SH3BGRL2: variants seen among roughly 807,000 people sequenced by gnomAD.
The protein encoded by SH3BGRL2 is SH3 domain-binding glutamic acid-rich-like protein 2.
In SH3BGRL2, 21 loss-of-function variants were observed where a neutral mutation model predicts 14.8. That is an observed-to-expected ratio of 1.42 (90% confidence interval 1.01 to 2.05). The LOEUF (loss-of-function observed/expected upper bound fraction) is 2.05. SH3BGRL2 is among the 30% of genes most tolerant of loss of function. The pLI is 0.00. For missense variants in SH3BGRL2, 147 were observed against 130.8 expected, an observed-to-expected ratio of 1.12 and a Z score of -0.61; for synonymous variants, 50 against 47.8, an observed-to-expected ratio of 1.05 and a Z score of -0.19.
chr6:79,696,647 G>T, intron 3 of SH3BGRL2, 82 bp downstream of exon 3: 1 of 970,648 alleles, frequency 1.0e-6, no homozygotes, highest in Non-Finnish European at 1.5e-6. Context: ...CGGTGTTAGA[G>T]GAATGCATAT....
At chr6:79,559,130 CAT>C in the SH3BGRL2 span, among the ~76,000 whole-genome samples, 1 of 152,102 alleles carries the variant, frequency 6.6e-6, no homozygotes, top group Admixed American at 6.5e-5. Context: ...CCACTTTTTC[CAT>C]TAACAACTAT....
the SH3BGRL2 span, chr6:79,574,065 C>T: frequency 3.6e-4 from 54 of 152,102 alleles, no homozygotes; most frequent in African/African-American, 1.1e-3. Context: ...GCTAGAACAC[C>T]GCTAACAAAA....
At chr6:79,599,142 A>C in the SH3BGRL2 span, among the ~76,000 whole-genome samples, 2 of 152,148 alleles carry the variant, frequency 1.3e-5, no homozygotes, top group Non-Finnish European at 2.9e-5. Flanking sequence ...ATTAAAAACA[A>C]TGTTATAGTA....
At chr6:79,674,966 G>A (rs1769852078) in intron 2 of SH3BGRL2, among the ~76,000 whole-genome samples, 2 of 152,034 alleles carry the variant, frequency 1.3e-5, no homozygotes, top group South Asian at 4.2e-4. Context: ...TTATTTTATG[G>A]GGTTTTTAAT....
intron 2 of SH3BGRL2, among the ~76,000 whole-genome samples, chr6:79,695,262 G>A (rs1193858927): frequency 6.6e-6 from 1 of 152,180 alleles, no homozygotes; most frequent in Non-Finnish European, 1.5e-5. Flanking sequence ...CCTTTCTTTA[G>A]AGCTGATCCT....
chr6:79,656,042 A>G (rs901348809), intron 1 of SH3BGRL2, among the ~76,000 whole-genome samples: 1 of 152,236 alleles, frequency 6.6e-6, no homozygotes, highest in Non-Finnish European at 1.5e-5. Context: ...ATGAGAAGGT[A>G]CTGAAAGGTT....
chr6:79,583,315 A>G, the SH3BGRL2 span, among the ~76,000 whole-genome samples: 1 of 152,228 alleles, frequency 6.6e-6, no homozygotes, highest in African/African-American at 2.4e-5. Flanking sequence ...TCATGCTACT[A>G]TAAAGACACA....
At chr6:79,681,783 T>C (rs1319537595) in intron 2 of SH3BGRL2, among the ~76,000 whole-genome samples, 1 of 152,102 alleles carries the variant, frequency 6.6e-6, no homozygotes, top group Non-Finnish European at 1.5e-5. Flanking sequence ...ATCCCATTAT[T>C]ACCAGTTTTA....
the SH3BGRL2 span, among the ~76,000 whole-genome samples, chr6:79,548,097 A>G: frequency 0.21 from 32,504 of 151,972 alleles, 3,574 homozygotes; most frequent in African/African-American, 0.27. Context: ...TCAAACTCTT[A>G]AGCTCAAGCT....
At chr6:79,607,140 G>A in the SH3BGRL2 span, among the ~76,000 whole-genome samples, 1 of 152,122 alleles carries the variant, frequency 6.6e-6, no homozygotes, top group African/African-American at 2.4e-5. Context: ...TTGGTTCCGA[G>A]GTCATTGTGA....
the SH3BGRL2 span, among the ~76,000 whole-genome samples, chr6:79,569,492 T>A: frequency 1.3e-5 from 2 of 152,306 alleles, no homozygotes; most frequent in South Asian, 2.1e-4. Context: ...GGTAAAATAC[T>A]TTGATTTCTT....
the SH3BGRL2 span, among the ~76,000 whole-genome samples, chr6:79,592,090 G>T: frequency 4.6e-5 from 7 of 152,030 alleles, no homozygotes; most frequent in African/African-American, 1.4e-4. Context: ...GATGATAAAA[G>T]ATATGAAAAC....
chr6:79,594,261 T>G, the SH3BGRL2 span, among the ~76,000 whole-genome samples: 1 of 152,194 alleles, frequency 6.6e-6, no homozygotes, highest in African/African-American at 2.4e-5. Context: ...CTTTCCTTTG[T>G]CCTGTCATTT....
At position 79,700,618 on chromosome 6, in the gene SH3BGRL2, T is replaced by G. The variant is rs1382495112; in HGVS notation, c.*1109T>G. 1 of 152,172 alleles carries G rather than the reference T, an allele frequency of 6.6e-6. No individual in the cohort carries two copies. Among genetic ancestry groups the G allele is most frequent in the Non-Finnish European group, 1.5e-5 (1 of 68,026 alleles). 9.4% of individuals were successfully genotyped at this position (152,172 alleles called of 1,614,324 possible). On this transcript the variant is annotated 3_prime_UTR_variant, in exon 4 of 4. Coordinates refer to ENST00000369838, the MANE Select transcript of SH3BGRL2 (RefSeq NM_031469.4). ...GAGTAATACAGATACTTGTTCTCATTCCGTATATGAGCACAAGTAAGGTTT... is the reference window on the plus strand; with the variant it reads ...GAGTAATACAGATACTTGTTCTCATGCCGTATATGAGCACAAGTAAGGTTT...
chr6:79,566,796 C>A, the SH3BGRL2 span, among the ~76,000 whole-genome samples: 1 of 151,226 alleles, frequency 6.6e-6, no homozygotes, highest in Non-Finnish European at 1.5e-5. Flanking sequence ...ACTCAAAACG[C>A]TGAAGTGGAA....
intron 1 of SH3BGRL2, among the ~76,000 whole-genome samples, chr6:79,650,001 A>T (rs1769253481): frequency 1.3e-5 from 2 of 151,738 alleles, no homozygotes; most frequent in Non-Finnish European, 2.9e-5. Flanking sequence ...ACACACACAC[A>T]CACACACACA....
chr6:79,677,415 G>A (rs1271708077), intron 2 of SH3BGRL2, among the ~76,000 whole-genome samples: 2 of 152,166 alleles, frequency 1.3e-5, no homozygotes, highest in Admixed American at 6.6e-5. Context: ...TTTGGAAGGA[G>A]TTCCCCACTG....
intron 1 of SH3BGRL2, among the ~76,000 whole-genome samples, chr6:79,666,758 C>CAAATCTCAAA (rs1769668556): frequency 2.6e-5 from 4 of 152,152 alleles, no homozygotes; most frequent in Non-Finnish European, 5.9e-5. Context: ...CACTGTCTGA[C>CAAATCTCAAA]TTTTTTCTAT....
chr6:79,697,048 CTT>C (rs2127740079), intron 3 of SH3BGRL2, among the ~76,000 whole-genome samples: 1 of 151,940 alleles, frequency 6.6e-6, no homozygotes, highest in African/African-American at 2.4e-5. Flanking sequence ...AGTCATATGT[CTT>C]TTAGAAAACA....
Sources: allele counts gnomAD v4.1 joint callset (sites outside exome capture counted in the v4.1 genomes callset), GRCh38; gene constraint gnomAD v4.1.1; transcripts MANE v1.5; gene names NCBI Gene and HGNC (gene_info 2026-07-23, HGNC 2026-07-21).